ADAM20: variants seen among roughly 807,000 people sequenced by gnomAD.
ADAM20 encodes the protein ADAM metallopeptidase domain 20, also known as disintegrin and metalloproteinase domain-containing protein 20.
For synonymous variants in ADAM20, 305 were observed against 310.2 expected, an observed-to-expected ratio of 0.98 and a Z score of 0.18; for missense variants, 871 against 883.2, an observed-to-expected ratio of 0.99 and a Z score of 0.18.
At chr14:70,574,372 A>AT in the ADAM20 span, among the ~76,000 whole-genome samples, 1 of 152,146 alleles carries the variant, frequency 6.6e-6, no homozygotes, top group African/African-American at 2.4e-5. Context: ...GAGGCCGGGC[A>AT]TGGTGGCTCT....
the ADAM20 span, among the ~76,000 whole-genome samples, chr14:70,560,533 A>G: frequency 6.6e-6 from 1 of 152,180 alleles, no homozygotes. Flanking sequence ...AAAAATTATA[A>G]AATTTTTTCA....
chr14:70,578,546 T>C, the ADAM20 span, among the ~76,000 whole-genome samples: 1 of 152,152 alleles, frequency 6.6e-6, no homozygotes, highest in Non-Finnish European at 1.5e-5. Flanking sequence ...ATCAACAGAA[T>C]AAGCAGACAA....
chr14:70,578,932 A>G, the ADAM20 span, among the ~76,000 whole-genome samples: 3 of 152,140 alleles, frequency 2.0e-5, no homozygotes, highest in Non-Finnish European at 4.4e-5. Flanking sequence ...AAGTCAGAAC[A>G]TGTGGTATTT....
chr14:70,544,094 G>A, the ADAM20 span, among the ~76,000 whole-genome samples: 2 of 148,890 alleles, frequency 1.3e-5, no homozygotes, highest in African/African-American at 5.0e-5. Context: ...TCAGCCCCAA[G>A]ATAACCTCCC....
chr14:70,565,544 C>A, the ADAM20 span, among the ~76,000 whole-genome samples: 5,195 of 152,184 alleles, frequency 0.034, 293 homozygotes, highest in African/African-American at 0.12. Context: ...GGCAAAGGAG[C>A]TCCATAAGAC....
Position 70,529,928 on chromosome 14 carries a change from T to C in ADAM20, c.-177+4869A>G, listed in dbSNP as rs1883674092. Among the ~76,000 whole-genome samples the C allele has an allele frequency of 3.3e-5, 5 of 152,236 alleles. No homozygotes were observed. In the South Asian group the frequency reaches 1.0e-3, roughly 31 times the overall value. ...TATATACTTTTAATTTTTCAACTTC[T>C]TGACTGTTTTGTAATAACACTTAGC... On this transcript the variant is annotated intron_variant, in intron 1 of 1. Transcript: ENST00000256389.
chr14:70,544,559 T>G, the ADAM20 span, among the ~76,000 whole-genome samples: 3 of 152,084 alleles, frequency 2.0e-5, no homozygotes, highest in Admixed American at 6.5e-5. Flanking sequence ...AAAGTGATTT[T>G]TAAAAATAAC....
At chr14:70,565,330 G>A in the ADAM20 span, among the ~76,000 whole-genome samples, 1 of 151,898 alleles carries the variant, frequency 6.6e-6, no homozygotes, top group Non-Finnish European at 1.5e-5. Flanking sequence ...CAGAGGAGAA[G>A]AGAAAGAGAA....
At chr14:70,539,378 AG>A (rs1383132832), upstream of ADAM20, among the ~76,000 whole-genome samples, 3 of 152,226 alleles carry the variant, frequency 2.0e-5, no homozygotes, top group Non-Finnish European at 4.4e-5. Flanking sequence ...ATCCCAGAAA[AG>A]CAGATGTTCA....
At chr14:70,572,326 T>C in the ADAM20 span, among the ~76,000 whole-genome samples, 1 of 152,128 alleles carries the variant, frequency 6.6e-6, no homozygotes, top group South Asian at 2.1e-4. Flanking sequence ...TTTGACAAGG[T>C]TGGCAAAACC....
intron 1 of ADAM20, among the ~76,000 whole-genome samples, chr14:70,528,540 G>A (rs1379722648): frequency 6.6e-6 from 1 of 152,166 alleles, no homozygotes; most frequent in African/African-American, 2.4e-5. Context: ...ATATGTCCAG[G>A]TAGAATTGGA....
chr14:70,530,007 G>T (rs1883676413), intron 1 of ADAM20, among the ~76,000 whole-genome samples: 1 of 152,094 alleles, frequency 6.6e-6, no homozygotes, highest in Non-Finnish European at 1.5e-5. Flanking sequence ...CGTAGGCCAG[G>T]CATGGTGGCT....
At chr14:70,531,782 A>G (rs1240034388) in intron 1 of ADAM20, among the ~76,000 whole-genome samples, 1 of 152,104 alleles carries the variant, frequency 6.6e-6, no homozygotes, top group Non-Finnish European at 1.5e-5. Context: ...ACTTAGGAAT[A>G]ATCTTAAATT....
chr14:70,539,472 G>A (rs987841847), upstream of ADAM20, among the ~76,000 whole-genome samples: 2 of 152,176 alleles, frequency 1.3e-5, no homozygotes, highest in African/African-American at 4.8e-5. Flanking sequence ...GATAAGATAG[G>A]GCTATAAACG....
chr14:70,576,779 A>G, the ADAM20 span, among the ~76,000 whole-genome samples: 1 of 152,218 alleles, frequency 6.6e-6, no homozygotes, highest in Non-Finnish European at 1.5e-5. Flanking sequence ...AGGTATTAGC[A>G]GTGCCCTGTG....
intron 1 of ADAM20, among the ~76,000 whole-genome samples, chr14:70,527,854 C>G (rs1883623168): frequency 6.6e-6 from 1 of 152,200 alleles, no homozygotes; most frequent in Non-Finnish European, 1.5e-5. Flanking sequence ...GCTCCACACA[C>G]AGCATATGCT....
At chr14:70,573,482 G>A in the ADAM20 span, among the ~76,000 whole-genome samples, 3 of 152,032 alleles carry the variant, frequency 2.0e-5, no homozygotes, top group Non-Finnish European at 4.4e-5. Flanking sequence ...TGGGTACTAC[G>A]TTTATTATTT....
At chr14:70,561,441 G>T in the ADAM20 span, among the ~76,000 whole-genome samples, 1 of 152,228 alleles carries the variant, frequency 6.6e-6, no homozygotes, top group Non-Finnish European at 1.5e-5. Flanking sequence ...CCATACAGTA[G>T]AAAAGAAAAA....
chr14:70,565,558 T>C, the ADAM20 span, among the ~76,000 whole-genome samples: 2 of 152,196 alleles, frequency 1.3e-5, no homozygotes, highest in Admixed American at 1.3e-4. Flanking sequence ...ATAAGACTAC[T>C]GGCAGATTCC....
Sources: allele counts gnomAD v4.1 joint callset (sites outside exome capture counted in the v4.1 genomes callset), GRCh38; gene constraint gnomAD v4.1.1; transcripts MANE v1.5; gene names NCBI Gene and HGNC (gene_info 2026-07-23, HGNC 2026-07-21).